SAMD12: variants seen among roughly 807,000 people sequenced by gnomAD.
SAMD12 encodes the protein sterile alpha motif domain containing 12, also known as sterile alpha motif domain-containing protein 12.
SAMD12 carries 9 observed loss-of-function variants against 15.0 expected under a neutral mutation model. That is an observed-to-expected ratio of 0.60 (90% CI 0.36 to 1.05). SAMD12 has a LOEUF of 1.05. Among genes scored for constraint, SAMD12 ranks in the 50% least tolerant of loss-of-function variants. The pLI is 0.01. For synonymous variants in SAMD12, 86 were observed against 90.1 expected (o/e 0.96, Z 0.25); for missense variants, 230 against 234.2 (o/e 0.98, Z 0.12).
intron 3 of SAMD12, among the ~76,000 whole-genome samples, chr8:118,401,531 C>CCTT (rs962279444): frequency 3.2e-4 from 46 of 142,000 alleles, no homozygotes; most frequent in Middle Eastern, 3.5e-3. Flanking sequence ...CCACAGACTC[C>CCTT]CTTCTTCTTC....
intron 4 of SAMD12, among the ~76,000 whole-genome samples, chr8:118,256,064 G>A (rs1400852421): frequency 6.6e-6 from 1 of 152,124 alleles, no homozygotes. Context: ...GTGTGAGATG[G>A]TATCTTATTG....
intron 3 of SAMD12, among the ~76,000 whole-genome samples, chr8:118,433,868 T>C (rs1216409801): frequency 1.3e-5 from 2 of 152,216 alleles, no homozygotes; most frequent in Admixed American, 1.3e-4. Flanking sequence ...TACGTTTACA[T>C]TTTGTTTGGT....
At position 118,485,425 on chromosome 8, in the gene SAMD12, A is replaced by G. The variant is rs576635966; in HGVS notation, c.193-45464T>C. Among the ~76,000 whole-genome samples, 21 of 152,326 alleles carry G rather than the reference A, an allele frequency of 1.4e-4. No homozygotes were observed. The East Asian group carries it at 3.7e-3, about 27-fold the overall frequency. The stretch of plus-strand genomic sequence containing the variant: ...TGGTGAGAGAAGGCAGAGATGATAA[A>G]GAAACAAGAACACAATTTTACCCAC... On this transcript the variant is annotated intron_variant, in intron 2 of 3. Transcript: ENST00000314727.
At chr8:118,472,338 C>T (rs2514998) in intron 2 of SAMD12, among the ~76,000 whole-genome samples, 113,311 of 151,672 alleles carry the variant, frequency 0.75, 42,460 homozygotes, top group Middle Eastern at 0.79. Flanking sequence ...ACCTTTCAGA[C>T]TGTTGTCAGG....
intron 2 of SAMD12, among the ~76,000 whole-genome samples, chr8:118,547,355 C>G (rs1826161362): frequency 6.6e-6 from 1 of 151,944 alleles, no homozygotes; most frequent in African/African-American, 2.4e-5. Flanking sequence ...TTTTGGTGTC[C>G]TTTGAGTAAG....
At chr8:118,445,248 A>G (rs181977397) in intron 2 of SAMD12, among the ~76,000 whole-genome samples, 69 of 152,322 alleles carry the variant, frequency 4.5e-4, no homozygotes, top group Middle Eastern at 3.4e-3. Flanking sequence ...GTCACTAAAT[A>G]TCAGGAAAAA....
the SAMD12 span, among the ~76,000 whole-genome samples, chr8:118,172,550 C>T: frequency 6.6e-6 from 1 of 152,176 alleles, no homozygotes; most frequent in South Asian, 2.1e-4. Context: ...GGCCAAAAGG[C>T]ATTGTTTTCT....
chr8:118,528,595 T>C (rs1472886137), intron 2 of SAMD12, among the ~76,000 whole-genome samples: 3 of 152,276 alleles, frequency 2.0e-5, no homozygotes, highest in Admixed American at 1.3e-4. Flanking sequence ...TGAATTCATA[T>C]AGAGCAGATT....
intron 4 of SAMD12, among the ~76,000 whole-genome samples, chr8:118,242,612 CTG>C (rs1440741726): frequency 6.6e-6 from 1 of 152,060 alleles, no homozygotes; most frequent in Non-Finnish European, 1.5e-5. Flanking sequence ...TTGATATTCT[CTG>C]TGGTTTCAGG....
chr8:118,410,754 G>A (rs1821370246), intron 3 of SAMD12, among the ~76,000 whole-genome samples: 1 of 152,176 alleles, frequency 6.6e-6, no homozygotes, highest in South Asian at 2.1e-4. Context: ...GAATCACTCA[G>A]CAGAGCCTAT....
chr8:118,225,865 C>T (rs900471615), intron 4 of SAMD12, among the ~76,000 whole-genome samples: 7 of 152,132 alleles, frequency 4.6e-5, no homozygotes, highest in Non-Finnish European at 7.4e-5. Context: ...GAGATTGAGG[C>T]TCAGAGATGG....
chr8:118,213,961 C>T (rs565618433), intron 4 of SAMD12, among the ~76,000 whole-genome samples: 1 of 152,282 alleles, frequency 6.6e-6, no homozygotes, highest in African/African-American at 2.4e-5. Context: ...AGCACACCCA[C>T]CTATTGACCA....
intron 2 of SAMD12, among the ~76,000 whole-genome samples, chr8:118,535,409 G>T (rs2131133879): frequency 6.6e-6 from 1 of 152,360 alleles, no homozygotes; most frequent in South Asian, 2.1e-4. Flanking sequence ...ACCCACTTGA[G>T]GACGCAGTCT....
At chr8:118,181,651 T>C in the SAMD12 span, among the ~76,000 whole-genome samples, 1 of 152,350 alleles carries the variant, frequency 6.6e-6, no homozygotes, top group South Asian at 2.1e-4. Flanking sequence ...CACTTGTGGA[T>C]ACTAAGAGAC....
At chr8:118,386,991 C>G (rs189369717) in intron 3 of SAMD12, among the ~76,000 whole-genome samples, 11 of 152,258 alleles carry the variant, frequency 7.2e-5, no homozygotes, top group Non-Finnish European at 1.2e-4. Context: ...GGACAGTTCC[C>G]CAAATAAATG....
intron 2 of SAMD12, among the ~76,000 whole-genome samples, chr8:118,579,303 T>A (rs1827226506): frequency 6.6e-6 from 1 of 152,192 alleles, no homozygotes; most frequent in South Asian, 2.1e-4. Flanking sequence ...AAGGCGTTTT[T>A]TCCTGGCTCT....
chr8:118,557,503 A>C (rs574781109), intron 2 of SAMD12, among the ~76,000 whole-genome samples: 2 of 152,324 alleles, frequency 1.3e-5, no homozygotes, highest in Non-Finnish European at 2.9e-5. Context: ...GAAAAAGAGC[A>C]TCTGAAATGA....
chr8:118,607,108 C>T (rs1037471251), intron 1 of SAMD12, among the ~76,000 whole-genome samples: 1 of 152,178 alleles, frequency 6.6e-6, no homozygotes, highest in Non-Finnish European at 1.5e-5. Flanking sequence ...TATTCCATTC[C>T]TACCCTACCT....
intron 4 of SAMD12, among the ~76,000 whole-genome samples, chr8:118,271,697 GC>G (rs1428609723): frequency 6.6e-6 from 1 of 152,126 alleles, no homozygotes; most frequent in Non-Finnish European, 1.5e-5. Context: ...GGAGAAATTG[GC>G]CAAAACAAAG....
Sources: gnomAD v4.1 joint callset for allele counts (sites outside exome capture counted in the v4.1 genomes callset) on GRCh38, gnomAD v4.1.1 for gene constraint, MANE v1.5 for transcripts, NCBI Gene and HGNC (gene_info 2026-07-23, HGNC 2026-07-21) for gene names.